Variants in TFAP2E observed in about 807,000 individuals in gnomAD.
TFAP2E encodes the protein transcription factor AP-2-epsilon.
TFAP2E carries 30 observed loss-of-function variants against 37.9 expected under a neutral mutation model. The ratio of observed to expected loss-of-function variants is 0.79; its 90% CI spans 0.59 to 1.07. The LOEUF (loss-of-function observed/expected upper bound fraction) is 1.07, where lower values mean the gene tolerates loss of function less well. TFAP2E is among the 50% of genes least tolerant of loss of function. The probability of loss-of-function intolerance (pLI) is 0.00; values close to 1 mark genes in which losing one functional copy is unlikely to be tolerated. For synonymous variants in TFAP2E, 318 were observed against 295.8 expected, an observed-to-expected ratio of 1.08 and a Z score of -0.77; for missense variants, 567 against 637.9, an observed-to-expected ratio of 0.89 and a Z score of 1.20.
chr1:35,583,603 A>AGTGTGTGT (rs201106841), intron 3 of TFAP2E, among the ~76,000 whole-genome samples: 2,604 of 137,962 alleles, frequency 0.019, 69 homozygotes, highest in African/African-American at 0.057. Flanking sequence ...TGTCTGCAGG[A>AGTGTGTGT]GTGTGTGTGT....
At chr1:35,581,170 C>T (rs1398336988) in intron 3 of TFAP2E, among the ~76,000 whole-genome samples, 4 of 152,074 alleles carry the variant, frequency 2.6e-5, no homozygotes, top group Non-Finnish European at 5.9e-5. Context: ...TTTTGAGGCT[C>T]GCCCCAAACA....
chr1:35,587,653 A>AAAAGGAAAG (rs1553121947), intron 3 of TFAP2E, among the ~76,000 whole-genome samples: 9 of 147,724 alleles, frequency 6.1e-5, no homozygotes, highest in African/African-American at 2.3e-4. Context: ...AAAAAAAAAA[A>AAAAGGAAAG]AAAGAAAGAA....
At chr1:35,584,242 C>G (rs1032226521) in intron 3 of TFAP2E, among the ~76,000 whole-genome samples, 2 of 152,140 alleles carry the variant, frequency 1.3e-5, no homozygotes, top group African/African-American at 4.8e-5. Flanking sequence ...GGACTATGGG[C>G]ACATGCCACC....
rs1469016048 is a variant in TFAP2E, at chr1:35,574,168, T to C, written c.269T>C (p.Leu90Pro). Residue 90 changes from leucine to proline, a missense_variant, in exon 2 of 7, where the codon CTG becomes CCG. By Grantham distance (98) the Leu-to-Pro change is moderately conservative (BLOSUM62 -3). This residue lies in a region of TFAP2E where 312 missense variants were observed against 317.4 expected (regional missense o/e 0.98). Transcript: ENST00000373235. Reference sequence around the variant, plus strand: ...GACCCATATGGCGGCCTGGCGCCCCTGGCGCAGCCGCAGCCTCCTCAGGCC... The same window carrying C: ...GACCCATATGGCGGCCTGGCGCCCCCGGCGCAGCCGCAGCCTCCTCAGGCC... ...AGDPYGGLAP[L>P]AQPQPPQAAW... The C allele has an allele frequency of 1.4e-6, 2 of 1,418,642 alleles. No individual in the cohort carries two copies. Among genetic ancestry groups the C allele is most frequent in the East Asian group, 3.5e-5 (1 of 28,508 alleles). 87.9% of individuals were successfully genotyped at this position (1,418,642 alleles called of 1,614,324 possible). A position where few individuals can be genotyped will look rare whatever the true frequency, so the allele number is the denominator to read the frequency against.
At position 35,574,095 on chromosome 1, in the gene TFAP2E, TACGGTCAGGCGCCCG is replaced by T. The variant is rs1300009028; in HGVS notation, c.200_214del (p.Gly67_Asp71del). On this transcript the variant is annotated inframe_deletion, in exon 2 of 7. Transcript: ENST00000373235. ...GCCCTACCCGCAGCCACCGCTGCCC[TACGGTCAGGCGCCCG>T]ACGCCGCCGCAGCCTTTCCCCACCT... 1 of 1,472,486 alleles carries T rather than the reference TACGGTCAGGCGCCCG, an allele frequency of 6.8e-7. No individual in the cohort carries two copies. Among genetic ancestry groups the T allele is most frequent in the Non-Finnish European group, 9.0e-7 (1 of 1,115,448 alleles). 91.2% of individuals were successfully genotyped at this position (1,472,486 alleles called of 1,614,324 possible).
intron 3 of TFAP2E, among the ~76,000 whole-genome samples, chr1:35,585,063 G>C (rs781018151): frequency 7.2e-5 from 11 of 152,076 alleles, no homozygotes; most frequent in Admixed American, 1.3e-4. Flanking sequence ...ATGGGGGTGA[G>C]AGGGAGCTGG....
intron 6 of TFAP2E, among the ~76,000 whole-genome samples, chr1:35,591,451 T>C (rs544166927): frequency 2.8e-4 from 43 of 152,270 alleles, no homozygotes; most frequent in African/African-American, 1.0e-3. Flanking sequence ...ACCTGACTGT[T>C]CTGCAAATCC....
At chr1:35,587,470 T>G (rs1242210501) in intron 3 of TFAP2E, among the ~76,000 whole-genome samples, 1 of 151,798 alleles carries the variant, frequency 6.6e-6, no homozygotes, top group African/African-American at 2.4e-5. Flanking sequence ...AAACCCCATC[T>G]CTACTAAAAA....
In TFAP2E at chr1:35,588,660, T is replaced by A; in HGVS notation, c.785+108T>A. 2 of 1,205,158 alleles carry A rather than the reference T, an allele frequency of 1.7e-6. No individual in the cohort carries two copies. The highest frequency in any genetic ancestry group is 1.7e-5 in the South Asian group (1 of 57,366). The allele number at this position is 1,205,158 out of a possible 1,614,324, so 74.7% of individuals were successfully genotyped here. A position where few individuals can be genotyped will look rare whatever the true frequency, so the allele number is the denominator to read the frequency against. The stretch of plus-strand genomic sequence containing the variant: ...GTCTCACCTAGGCCCTCTGCCTCAG[T>A]CTCCCTGGGAGGGGAGGCCCCGGGG... On this transcript the variant is annotated intron_variant, in intron 4 of 6. Coordinates refer to ENST00000373235, the MANE Select transcript of TFAP2E (RefSeq NM_178548.4). This position sits in a 1 kb window ranked among gnomAD's most constrained non-coding sequence, Gnocchi z 5.1.
At chr1:35,582,310 T>A (rs1175297562) in intron 3 of TFAP2E, among the ~76,000 whole-genome samples, 1 of 152,192 alleles carries the variant, frequency 6.6e-6, no homozygotes, top group Non-Finnish European at 1.5e-5. Flanking sequence ...TAGTGAAATG[T>A]CTATTTACAT....
chr1:35,586,557 A>C (rs940876790), intron 3 of TFAP2E, among the ~76,000 whole-genome samples: 10 of 152,192 alleles, frequency 6.6e-5, no homozygotes, highest in African/African-American at 2.4e-4. Flanking sequence ...GTCTGTGTGC[A>C]TGCAGAGGAG....
At chr1:35,574,446 C>T in intron 2 of TFAP2E, 37 bp downstream of exon 2, 1 of 1,370,248 alleles carries the variant, frequency 7.3e-7, no homozygotes, top group South Asian at 1.7e-5. Context: ...TCGGGACTGG[C>T]CGCGGTGGTT....
Position 35,594,989 on chromosome 1 carries a change from T to G in TFAP2E, c.*313T>G. ...GCTCATGGGGCAGAGCCCTTTCCATTAGCGTGGCTGGGTGGCCGTGGGTGC... is the reference window on the plus strand; with the variant it reads ...GCTCATGGGGCAGAGCCCTTTCCATGAGCGTGGCTGGGTGGCCGTGGGTGC... On this transcript the variant is annotated 3_prime_UTR_variant, in exon 7 of 7. Coordinates refer to ENST00000373235, the MANE Select transcript of TFAP2E (RefSeq NM_178548.4). 2.7e-6 allele frequency: 1 copy of G among 374,076 alleles called. No individual in the cohort carries two copies. The highest frequency in any genetic ancestry group is 4.9e-6 in the Non-Finnish European group (1 of 205,948). The allele number at this position is 374,076 out of a possible 1,614,324, so 23.2% of individuals were successfully genotyped here. A position where few individuals can be genotyped will look rare whatever the true frequency, so the allele number is the denominator to read the frequency against.
intron 3 of TFAP2E, among the ~76,000 whole-genome samples, chr1:35,587,636 CAAAAAAA>C (rs553131997): frequency 1.8e-4 from 9 of 51,374 alleles, no homozygotes; most frequent in East Asian, 5.0e-4. Context: ...GACTCCATCT[CAAAAAAA>C]AAAAAAAAAA....
chr1:35,574,829 C>T, intron 2 of TFAP2E, 120 bp from the exon 3 acceptor site: 1 of 1,400,494 alleles, frequency 7.1e-7, no homozygotes, highest in Non-Finnish European at 1.0e-6. Flanking sequence ...CCGTCGCCGC[C>T]CCAAGCGAAG....
intron 3 of TFAP2E, among the ~76,000 whole-genome samples, chr1:35,586,664 G>A (rs565137865): frequency 3.3e-5 from 5 of 152,206 alleles, no homozygotes; most frequent in African/African-American, 1.2e-4. Flanking sequence ...TGATGGATGG[G>A]ATGTGGTGAT....
In TFAP2E at chr1:35,573,509, GC is replaced by G; in HGVS notation, c.-66del. ...GGCTGTGCCGGCTCCCGGCGCCTCTGCCCGCAGCGCTCGCCGTCGGGCTAGG... is the reference window on the plus strand; with the variant it reads ...GGCTGTGCCGGCTCCCGGCGCCTCTGCCGCAGCGCTCGCCGTCGGGCTAGG... On this transcript the variant is annotated 5_prime_UTR_variant, in exon 1 of 7. Coordinates refer to ENST00000373235, the MANE Select transcript of TFAP2E (RefSeq NM_178548.4). The surrounding 1 kb of genome is among the most constrained non-coding windows in gnomAD (Gnocchi z 5.9). 1.4e-6 allele frequency: 2 copies of G among 1,440,414 alleles called. No homozygotes were observed. Among genetic ancestry groups the G allele is most frequent in the Non-Finnish European group, 9.1e-7 (1 of 1,099,906 alleles). The allele number at this position is 1,440,414 out of a possible 1,614,324, so 89.2% of individuals were successfully genotyped here.
intron 6 of TFAP2E, among the ~76,000 whole-genome samples, chr1:35,593,750 G>T (rs1227211373): frequency 6.6e-6 from 1 of 152,198 alleles, no homozygotes; most frequent in African/African-American, 2.4e-5. Context: ...AATGATGAGT[G>T]ATTCTCTTGC....
At chr1:35,582,891 TTTTC>T (rs746723568) in intron 3 of TFAP2E, among the ~76,000 whole-genome samples, 39 of 151,874 alleles carry the variant, frequency 2.6e-4, no homozygotes, top group African/African-American at 7.5e-4. Context: ...TTTATCATCA[TTTTC>T]TTTCTTTCTT....
Sources: allele counts gnomAD v4.1 joint callset (sites outside exome capture counted in the v4.1 genomes callset), GRCh38; gene constraint gnomAD v4.1.1; regional missense constraint gnomAD v4.1.1; non-coding constraint Gnocchi (gnomAD v3.1); transcripts MANE v1.5; gene names NCBI Gene and HGNC (gene_info 2026-07-23, HGNC 2026-07-21).